Variants in KLRD1 observed in about 807,000 individuals in gnomAD.
KLRD1 encodes the protein natural killer cells antigen CD94.
A neutral mutation model predicts 22.6 loss-of-function variants in KLRD1; 21 were observed. The observed-to-expected ratio is 0.93, with a 90% CI of 0.66 to 1.34. KLRD1 has a LOEUF of 1.34. KLRD1 is among the 40% of genes most tolerant of loss of function. KLRD1 has a pLI of 0.00. For synonymous variants in KLRD1, 59 were observed against 71.1 expected, an observed-to-expected ratio of 0.83 and a Z score of 0.85; for missense variants, 183 against 208.6, an observed-to-expected ratio of 0.88 and a Z score of 0.76.
At position 10,328,095 on chromosome 12, in the gene KLRD1, T is replaced by G. The variant is rs1445642337; in HGVS notation, c.*13302T>G. 1.3e-5 allele frequency: 2 copies of G among 152,202 alleles called. No homozygotes were observed. The highest frequency in any genetic ancestry group is 4.8e-5 in the African/African-American group (2 of 41,450). 9.4% of individuals were successfully genotyped at this position (152,202 alleles called of 1,614,324 possible). A position where few individuals can be genotyped will look rare whatever the true frequency, so the allele number is the denominator to read the frequency against. Reference sequence around the variant, plus strand: ...TTGTTGAGGATTTTTGCATCTACGTTTACTAGACATATTGGCTTATAGTTT... The same window carrying G: ...TTGTTGAGGATTTTTGCATCTACGTGTACTAGACATATTGGCTTATAGTTT... On this transcript the variant is annotated 3_prime_UTR_variant, in exon 6 of 6. Coordinates refer to ENST00000336164, the MANE Select transcript of KLRD1 (RefSeq NM_002262.5).
chr12:10,255,881 T>G (rs1243790039), intron 1 of KLRD1, among the ~76,000 whole-genome samples: 1 of 152,128 alleles, frequency 6.6e-6, no homozygotes, highest in Non-Finnish European at 1.5e-5. Context: ...CTCTACTTTC[T>G]TATTGTTCTG....
chr12:10,280,745 T>A lies in KLRD1; in HGVS notation c.-100-27233T>A, dbSNP rs200238250. Among the ~76,000 whole-genome samples, 40 of 152,266 alleles carry A rather than the reference T, an allele frequency of 2.6e-4. No individual in the cohort carries two copies. The South Asian group carries it at 7.0e-3, about 27-fold the overall frequency. On this transcript the variant is annotated intron_variant, in intron 1 of 5. Coordinates refer to the KLRD1 transcript ENST00000544747. Reference sequence around the variant, plus strand: ...TGTGATACAGTTGTCAGAGCTCAGCTGCACAGAATGCAGCAAAAAAGCATG... The same window carrying A: ...TGTGATACAGTTGTCAGAGCTCAGCAGCACAGAATGCAGCAAAAAAGCATG...
chr12:10,304,384 C>T (rs1354697528), upstream of KLRD1: 1 of 152,170 alleles, frequency 6.6e-6, no homozygotes, highest in East Asian at 1.9e-4. Flanking sequence ...TGACATTTTT[C>T]CAGGAAGCCA....
intron 1 of KLRD1, among the ~76,000 whole-genome samples, chr12:10,265,898 A>G (rs1237720898): frequency 6.6e-6 from 1 of 152,246 alleles, no homozygotes; most frequent in Non-Finnish European, 1.5e-5. Context: ...TTAAACAAGT[A>G]ACACATGAAT....
Position 10,315,976 on chromosome 12 carries a change from G to C in KLRD1, c.*1183G>C, listed in dbSNP as rs1251042292. 2 of 151,750 alleles carry C rather than the reference G, an allele frequency of 1.3e-5. No individual in the cohort carries two copies. The highest frequency in any genetic ancestry group is 4.8e-5 in the African/African-American group (2 of 41,238). The allele number at this position is 151,750 out of a possible 1,614,324, so 9.4% of individuals were successfully genotyped here. On this transcript the variant is annotated 3_prime_UTR_variant, in exon 6 of 6. Transcript: ENST00000336164. ...CTACTAAAAATACAAAAATTGGCTG[G>C]GTGTGGTAGTGCACACCTGTAATCC... is the stretch of plus-strand genomic sequence containing the variant.
intron 3 of KLRD1, among the ~76,000 whole-genome samples, chr12:10,310,909 A>G (rs1168119352): frequency 1.3e-5 from 2 of 151,850 alleles, no homozygotes; most frequent in African/African-American, 4.9e-5. Flanking sequence ...TGAAGACACT[A>G]TTATTGATAA....
At chr12:10,285,783 A>C (rs1310271161) in intron 1 of KLRD1, among the ~76,000 whole-genome samples, 1 of 151,974 alleles carries the variant, frequency 6.6e-6, no homozygotes, top group African/African-American at 2.4e-5. Flanking sequence ...ACTCTTTCCT[A>C]TTCCCTCCTC....
chr12:10,293,532 A>C (rs1949796127), intron 1 of KLRD1, among the ~76,000 whole-genome samples: 1 of 152,160 alleles, frequency 6.6e-6, no homozygotes, highest in African/African-American at 2.4e-5. Context: ...TCATTATGTT[A>C]TATGGGCATT....
chr12:10,277,114 G>GTTT (rs36020833), intron 1 of KLRD1, among the ~76,000 whole-genome samples: 11 of 115,340 alleles, frequency 9.5e-5, no homozygotes, highest in African/African-American at 3.3e-4. Context: ...GCCTCACAGA[G>GTTT]TTTTTTTTTT....
chr12:10,314,972 T>C lies in KLRD1; in HGVS notation c.*179T>C, dbSNP rs1239264549. On this transcript the variant is annotated 3_prime_UTR_variant, in exon 6 of 6. Coordinates refer to ENST00000336164, the MANE Select transcript of KLRD1 (RefSeq NM_002262.5). ...GTGTTTTAAAATTGATGAAATTCGT[T>C]CACCTACATTTGAGAATTATAAAAT... The C allele has an allele frequency of 6.3e-6, 3 of 478,996 alleles. No homozygotes were observed. Among genetic ancestry groups the C allele is most frequent in the Non-Finnish European group, 1.1e-5 (3 of 281,098 alleles). 29.7% of individuals were successfully genotyped at this position (478,996 alleles called of 1,614,324 possible). A position where few individuals can be genotyped will look rare whatever the true frequency, so the allele number is the denominator to read the frequency against.
At chr12:10,262,227 A>G (rs1429577295) in intron 1 of KLRD1, among the ~76,000 whole-genome samples, 2 of 152,062 alleles carry the variant, frequency 1.3e-5, no homozygotes, top group Non-Finnish European at 2.9e-5. Context: ...ATTCTTCATT[A>G]TTGGTCTTGA....
In KLRD1 at chr12:10,322,879, T is replaced by C. The variant is rs919180313; in HGVS notation, c.*8086T>C. The C allele has an allele frequency of 6.6e-6, 1 of 152,212 alleles. No homozygotes were observed. Among genetic ancestry groups the C allele is most frequent in the Non-Finnish European group, 1.5e-5 (1 of 68,044 alleles). The allele number at this position is 152,212 out of a possible 1,614,324, so 9.4% of individuals were successfully genotyped here. On this transcript the variant is annotated 3_prime_UTR_variant, in exon 6 of 6. Coordinates refer to ENST00000336164, the MANE Select transcript of KLRD1 (RefSeq NM_002262.5). ...ACTGCTACTCTGATTTCTGAAAATA[T>C]AGGTTTATTTAGCCTGTTCTTTAAT...
At chr12:10,283,107 A>C (rs1949661873) in intron 1 of KLRD1, among the ~76,000 whole-genome samples, 1 of 152,248 alleles carries the variant, frequency 6.6e-6, no homozygotes, top group Non-Finnish European at 1.5e-5. Flanking sequence ...GTCCGTCAGG[A>C]GAAAGAAGAC....
chr12:10,295,017 T>C (rs1949809562), intron 1 of KLRD1, among the ~76,000 whole-genome samples: 1 of 152,156 alleles, frequency 6.6e-6, no homozygotes, highest in Non-Finnish European at 1.5e-5. Flanking sequence ...TTTTGAAGAT[T>C]CTGGAAATGT....
At chr12:10,241,467 A>T (rs1949240194) in intron 1 of KLRD1, among the ~76,000 whole-genome samples, 1 of 152,196 alleles carries the variant, frequency 6.6e-6, no homozygotes, top group Admixed American at 6.5e-5. Flanking sequence ...CTTAAATGTT[A>T]ATGTGCTACA....
In KLRD1 at chr12:10,290,321, C is replaced by G. The variant is rs186625830; in HGVS notation, c.-100-17657C>G. Among the ~76,000 whole-genome samples, 82 of 152,228 alleles carry G rather than the reference C, an allele frequency of 5.4e-4. 1 individual carries two copies. The East Asian group carries it at 0.014, about 27-fold the overall frequency. ...CTCCTTGGGAAAGGCCAGAGCAAGA[C>G]CTATAAAGTCCACTCTTAGAAAAGT... On this transcript the variant is annotated intron_variant, in intron 1 of 5. Transcript: ENST00000544747.
At chr12:10,312,927 C>T (rs144005078) in intron 4 of KLRD1, among the ~76,000 whole-genome samples, 2,615 of 151,658 alleles carry the variant, frequency 0.017, 63 homozygotes, top group African/African-American at 0.059. Context: ...GCAGAGCTTG[C>T]AGTGAGCTGA....
intron 1 of KLRD1, among the ~76,000 whole-genome samples, chr12:10,252,583 G>C (rs1470393409): frequency 1.3e-5 from 2 of 152,122 alleles, no homozygotes; most frequent in Non-Finnish European, 2.9e-5. Context: ...TGTTACTTAA[G>C]ATTTGAATTC....
intron 1 of KLRD1, among the ~76,000 whole-genome samples, chr12:10,266,037 C>T (rs577470470): frequency 8.4e-4 from 128 of 152,030 alleles, no homozygotes; most frequent in African/African-American, 2.8e-3. Context: ...ATTTTTTGAC[C>T]GTTTTCAATT....
Sources: allele counts gnomAD v4.1 joint callset (sites outside exome capture counted in the v4.1 genomes callset), GRCh38; gene constraint gnomAD v4.1.1; transcripts MANE v1.5; gene names NCBI Gene and HGNC (gene_info 2026-07-23, HGNC 2026-07-21).